Variants in SH3RF3 observed in about 807,000 individuals in gnomAD.
SH3RF3 encodes SH3 domain containing ring finger 3.
Under a neutral mutation model 66.3 loss-of-function variants are expected in SH3RF3, and 29 were observed. That is an observed-to-expected ratio of 0.44 (90% CI 0.33 to 0.60). SH3RF3 has a LOEUF of 0.60. Among genes scored for constraint, SH3RF3 ranks in the 20% least tolerant of loss-of-function variants. The pLI, the probability that SH3RF3 is intolerant of heterozygous loss-of-function variation, is 0.04. For synonymous variants in SH3RF3, 583 were observed against 532.0 expected, an observed-to-expected ratio of 1.10 and a Z score of -1.32; for missense variants, 1,194 against 1,190.9, an observed-to-expected ratio of 1.00 and a Z score of -0.04.
chr2:109,161,055 G>A (rs1282986646), intron 1 of SH3RF3, among the ~76,000 whole-genome samples: 2 of 152,172 alleles, frequency 1.3e-5, no homozygotes, highest in Non-Finnish European at 2.9e-5. Flanking sequence ...GGCAGAAGTA[G>A]GTGAGGGTGC....
intron 5 of SH3RF3, among the ~76,000 whole-genome samples, chr2:109,429,983 C>G (rs142439452): frequency 3.3e-5 from 5 of 152,344 alleles, no homozygotes; most frequent in African/African-American, 1.2e-4. Context: ...CAGCCCACCC[C>G]ACACAGGCCA....
intron 1 of SH3RF3, among the ~76,000 whole-genome samples, chr2:109,223,418 C>T (rs781618705): frequency 1.8e-4 from 27 of 152,160 alleles, no homozygotes; most frequent in Non-Finnish European, 2.5e-4. Context: ...ATGGAGTTGC[C>T]GAAGTGCTTT....
intron 1 of SH3RF3, among the ~76,000 whole-genome samples, chr2:109,294,426 T>A (rs1681258535): frequency 1.3e-5 from 2 of 151,770 alleles, no homozygotes; most frequent in African/African-American, 4.8e-5. Flanking sequence ...CCGGGCATGG[T>A]GGTGGGTGCC....
chr2:109,319,216 A>T (rs1451398467), intron 1 of SH3RF3, among the ~76,000 whole-genome samples: 1 of 152,212 alleles, frequency 6.6e-6, no homozygotes, highest in African/African-American at 2.4e-5. Flanking sequence ...TGACAGTGGC[A>T]TCGTTTTGCA....
chr2:109,168,357 C>T (rs907366757), intron 1 of SH3RF3, among the ~76,000 whole-genome samples: 4 of 152,094 alleles, frequency 2.6e-5, no homozygotes, highest in Admixed American at 2.0e-4. Context: ...TTGTTCAGAA[C>T]CCAGCTATCA....
intron 1 of SH3RF3, among the ~76,000 whole-genome samples, chr2:109,158,756 G>C (rs940324437): frequency 6.6e-6 from 1 of 152,226 alleles, no homozygotes; most frequent in Non-Finnish European, 1.5e-5. Flanking sequence ...AAGTTGCTAA[G>C]TGTTTCTTTC....
rs1026349597 is a variant in SH3RF3 at position 109,130,877 on chromosome 2, C to G, written c.573+764C>G. Among the ~76,000 whole-genome samples the G allele has an allele frequency of 3.9e-5, 6 of 152,304 alleles. No homozygotes were observed. The South Asian group carries it at 1.2e-3, about 32-fold the overall frequency. On this transcript the variant is annotated intron_variant, in intron 1 of 9. Coordinates refer to ENST00000309415, the MANE Select transcript of SH3RF3 (RefSeq NM_001099289.3). The stretch of plus-strand genomic sequence containing the variant: ...ATGATTTGGTTTTAAAAGCTTCTTA[C>G]AGCTTCTTATTACACACCCTTGCCA...
At chr2:109,389,223 C>T (rs1318052609) in intron 3 of SH3RF3, among the ~76,000 whole-genome samples, 1 of 151,720 alleles carries the variant, frequency 6.6e-6, no homozygotes, top group African/African-American at 2.4e-5. Context: ...TGTGAGGGCC[C>T]CTCCTGGTCC....
intron 4 of SH3RF3, among the ~76,000 whole-genome samples, chr2:109,402,874 G>T (rs1261409110): frequency 6.6e-6 from 1 of 152,162 alleles, no homozygotes; most frequent in African/African-American, 2.4e-5. Flanking sequence ...ACGTTGCACT[G>T]GGTTCTGTAG....
intron 1 of SH3RF3, among the ~76,000 whole-genome samples, chr2:109,295,980 A>G (rs781013774): frequency 3.9e-5 from 6 of 152,050 alleles, no homozygotes; most frequent in South Asian, 4.1e-4. Context: ...GCCCTTCACT[A>G]TAGCTTGGTT....
intron 6 of SH3RF3, among the ~76,000 whole-genome samples, chr2:109,434,166 TC>T (rs749532342): frequency 6.6e-6 from 1 of 152,204 alleles, no homozygotes; most frequent in Non-Finnish European, 1.5e-5. Context: ...GTTAGGGGAC[TC>T]CCTGACCAGC....
chr2:109,269,206 T>C (rs1462074207), intron 1 of SH3RF3, among the ~76,000 whole-genome samples: 1 of 152,228 alleles, frequency 6.6e-6, no homozygotes, highest in Non-Finnish European at 1.5e-5. Flanking sequence ...ACCTTCGCCC[T>C]GGGAGCAGCT....
chr2:109,479,683 A>C (rs1379421000), intron 8 of SH3RF3, among the ~76,000 whole-genome samples: 4 of 152,172 alleles, frequency 2.6e-5, no homozygotes, highest in African/African-American at 9.7e-5. Flanking sequence ...TCATTTTTAA[A>C]AAATGAATTA....
intron 1 of SH3RF3, among the ~76,000 whole-genome samples, chr2:109,223,904 G>A (rs1679312394): frequency 6.6e-6 from 1 of 152,212 alleles, no homozygotes; most frequent in African/African-American, 2.4e-5. Flanking sequence ...GGCTGAGGTA[G>A]GAGGATCAGA....
intron 1 of SH3RF3, among the ~76,000 whole-genome samples, chr2:109,290,057 A>G (rs541434744): frequency 1.1e-4 from 17 of 152,218 alleles, no homozygotes; most frequent in Non-Finnish European, 2.1e-4. Flanking sequence ...CCTGGAATTC[A>G]GGATTAACCA....
chr2:109,246,575 T>TAG (rs1307169155), intron 1 of SH3RF3, among the ~76,000 whole-genome samples: 1 of 152,152 alleles, frequency 6.6e-6, no homozygotes, highest in Non-Finnish European at 1.5e-5. Flanking sequence ...CTGGAGAGTG[T>TAG]AGATGTTTCA....
At chr2:109,251,222 C>G (rs984517147) in intron 1 of SH3RF3, among the ~76,000 whole-genome samples, 1 of 152,050 alleles carries the variant, frequency 6.6e-6, no homozygotes, top group Non-Finnish European at 1.5e-5. Flanking sequence ...AGGCTGGTCT[C>G]GAACTCCTTA....
At chr2:109,481,068 C>T (rs1678822605) in intron 8 of SH3RF3, among the ~76,000 whole-genome samples, 1 of 152,208 alleles carries the variant, frequency 6.6e-6, no homozygotes, top group Admixed American at 6.5e-5. Context: ...AGCCTGAGGG[C>T]ATTTCTCACC....
intron 1 of SH3RF3, among the ~76,000 whole-genome samples, chr2:109,161,647 T>G (rs72822651): frequency 0.012 from 1,803 of 151,992 alleles, 8 homozygotes; most frequent in Middle Eastern, 0.024. Context: ...TCAGGCTACT[T>G]CTGCTTGTGG....
Sources: gnomAD v4.1 joint callset for allele counts (sites outside exome capture counted in the v4.1 genomes callset) on GRCh38, gnomAD v4.1.1 for gene constraint, MANE v1.5 for transcripts, NCBI Gene and HGNC (gene_info 2026-07-23, HGNC 2026-07-21) for gene names.